The following PCNX2 variants were observed in gnomAD, a reference collection of about 807,000 sequenced individuals.
The protein encoded by PCNX2 is pecanex 2, also known as pecanex-like protein 2.
PCNX2 carries 168 observed loss-of-function variants against 223.8 expected under a neutral mutation model. The observed-to-expected ratio is 0.75, with a 90% CI of 0.66 to 0.85. PCNX2 has a LOEUF of 0.85. Among genes scored for constraint, PCNX2 ranks in the 40% least tolerant of loss-of-function variants. The pLI, the probability that PCNX2 is intolerant of heterozygous loss-of-function variation, is 0.00. For synonymous variants in PCNX2, 1,006 were observed against 1,052.6 expected, an observed-to-expected ratio of 0.96 and a Z score of 0.86; for missense variants, 2,507 against 2,675.5, an observed-to-expected ratio of 0.94 and a Z score of 1.39.
intron 15 of PCNX2, among the ~76,000 whole-genome samples, chr1:233,196,955 G>A (rs919560366): frequency 1.3e-5 from 2 of 152,146 alleles, no homozygotes; most frequent in Admixed American, 1.3e-4. Context: ...TCATGATTGT[G>A]ATGGTGGTAA....
intron 21 of PCNX2, among the ~76,000 whole-genome samples, chr1:233,130,297 C>G (rs958915889): frequency 6.6e-6 from 1 of 152,090 alleles, no homozygotes. Flanking sequence ...GGACACACTC[C>G]TACCCCCTCA....
intron 15 of PCNX2, among the ~76,000 whole-genome samples, chr1:233,197,048 C>T (rs1680777894): frequency 6.6e-6 from 1 of 152,096 alleles, no homozygotes; most frequent in Non-Finnish European, 1.5e-5. Flanking sequence ...CATGCCCTGA[C>T]AGATTTGATT....
At chr1:233,179,210 A>G in intron 15 of PCNX2, 35 bp from the exon 16 acceptor site, 1 of 1,601,488 alleles carries the variant, frequency 6.2e-7, no homozygotes, top group South Asian at 1.1e-5. Context: ...AAGTCACTCC[A>G]CAGCTGTGTG....
intron 17 of PCNX2, among the ~76,000 whole-genome samples, chr1:233,164,293 G>A (rs1392284033): frequency 6.6e-6 from 1 of 152,070 alleles, no homozygotes; most frequent in Non-Finnish European, 1.5e-5. Flanking sequence ...ACAAATGCTG[G>A]TATGGATGTG....
rs769275805 is a variant in PCNX2, at chr1:233,258,987, C to T, written c.875G>A (p.Arg292Gln). 34 of 1,613,786 alleles carry T rather than the reference C, an allele frequency of 2.1e-5. No individual in the cohort carries two copies. The highest frequency in any genetic ancestry group is 1.6e-4 in the Middle Eastern group (1 of 6,082). ...VLIPEPVSCP[R>Q]GSIRERVQSK... ...TTGTACCCGTTCCCTTATGGAGCCC[C>T]GGGGACAACTGACAGGTTCTGGAAT... The change falls in exon 5 of 34, where the codon CGG (arginine) becomes CAG (glutamine). Residue 292 changes from arginine to glutamine, a missense_variant. Coordinates refer to ENST00000258229, the MANE Select transcript of PCNX2 (RefSeq NM_014801.4).
At chr1:233,158,846 G>A (rs1475045053) in intron 19 of PCNX2, among the ~76,000 whole-genome samples, 1 of 152,162 alleles carries the variant, frequency 6.6e-6, no homozygotes, top group Non-Finnish European at 1.5e-5. Flanking sequence ...ATAACCTGAA[G>A]GCTGCAGAAG....
At chr1:233,108,745 A>C (rs1377595751) in intron 21 of PCNX2, among the ~76,000 whole-genome samples, 1 of 152,200 alleles carries the variant, frequency 6.6e-6, no homozygotes, top group Admixed American at 6.5e-5. Context: ...GGATTGTTTA[A>C]AAATGAGAAA....
chr1:233,185,876 G>A (rs916957255), intron 15 of PCNX2, among the ~76,000 whole-genome samples: 2 of 152,116 alleles, frequency 1.3e-5, no homozygotes, highest in African/African-American at 4.8e-5. Context: ...GATGAGTGCT[G>A]GTTTCATAAA....
At chr1:233,191,129 G>A (rs1306650233) in intron 15 of PCNX2, among the ~76,000 whole-genome samples, 2 of 152,174 alleles carry the variant, frequency 1.3e-5, no homozygotes, top group Admixed American at 1.3e-4. Flanking sequence ...AAAAAGTTGT[G>A]TAACAATCCA....
At chr1:233,121,919 C>A (rs1168228288) in intron 21 of PCNX2, among the ~76,000 whole-genome samples, 1 of 152,096 alleles carries the variant, frequency 6.6e-6, no homozygotes. Context: ...TGCAATGACA[C>A]CCCAGTATCA....
intron 19 of PCNX2, among the ~76,000 whole-genome samples, chr1:233,153,889 G>C (rs530385183): frequency 3.0e-4 from 46 of 152,136 alleles, no homozygotes; most frequent in Non-Finnish European, 5.9e-4. Context: ...TAAAAAGCAA[G>C]AGCTCTCAGA....
At chr1:232,993,110 A>T (rs1035502303) in intron 32 of PCNX2, among the ~76,000 whole-genome samples, 1 of 152,216 alleles carries the variant, frequency 6.6e-6, no homozygotes, top group Non-Finnish European at 1.5e-5. Flanking sequence ...GGAACTGGGT[A>T]ATAGGCAGAG....
chr1:233,021,720 T>C (rs1670896754), intron 26 of PCNX2, among the ~76,000 whole-genome samples: 2 of 152,110 alleles, frequency 1.3e-5, no homozygotes, highest in Admixed American at 1.3e-4. Flanking sequence ...TCACTCTCCT[T>C]TCTTAAAAAA....
At chr1:233,290,448 T>C (rs1236319699) in intron 1 of PCNX2, among the ~76,000 whole-genome samples, 2 of 152,196 alleles carry the variant, frequency 1.3e-5, no homozygotes, top group African/African-American at 2.4e-5. Context: ...CAAAGTGCTA[T>C]GTATATAGCT....
intron 7 of PCNX2, 126 bp from the exon 8 acceptor site, chr1:233,250,958 G>A (rs909555029): frequency 1.2e-5 from 12 of 1,004,866 alleles, no homozygotes; most frequent in East Asian, 1.1e-4. Flanking sequence ...GTTGACAATC[G>A]GGGTCCATTC....
chr1:233,075,714 C>T (rs942459063), intron 23 of PCNX2, among the ~76,000 whole-genome samples: 5 of 151,634 alleles, frequency 3.3e-5, no homozygotes, highest in Non-Finnish European at 7.4e-5. Context: ...CACACACACA[C>T]ACACACACAC....
intron 25 of PCNX2, among the ~76,000 whole-genome samples, chr1:233,051,508 T>C (rs537790515): frequency 1.3e-5 from 2 of 152,218 alleles, no homozygotes; most frequent in African/African-American, 4.8e-5. Context: ...TGGAATACTA[T>C]GCAGCCATAA....
chr1:233,135,675 G>T (rs1356189357), intron 20 of PCNX2, among the ~76,000 whole-genome samples: 2 of 152,148 alleles, frequency 1.3e-5, no homozygotes, highest in African/African-American at 4.8e-5. Context: ...AATCCAATTC[G>T]AACAGTGACA....
Position 233,258,770 on chromosome 1 carries a change from G to T in PCNX2, c.1092C>A (p.Pro364=). 1.2e-6 allele frequency: 2 copies of T among 1,613,808 alleles called. No homozygotes were observed. The highest frequency in any genetic ancestry group is 2.2e-5 in the East Asian group (1 of 44,856). Reference sequence around the variant, plus strand: ...GCTCATGTAGACTCAGTGGGTCTCCGGGTTGAGAAGTATCGATGAGAGTAA... The same window carrying T: ...GCTCATGTAGACTCAGTGGGTCTCCTGGTTGAGAAGTATCGATGAGAGTAA... ...VAVTLIDTSQ[P]GDPLSLHEPI... The change falls in exon 5 of 34, where the codon CCC becomes CCA. Residue 364 remains proline, a synonymous_variant. Coordinates refer to ENST00000258229, the MANE Select transcript of PCNX2 (RefSeq NM_014801.4).
Sources: gnomAD v4.1 joint callset for allele counts (sites outside exome capture counted in the v4.1 genomes callset) on GRCh38, gnomAD v4.1.1 for gene constraint, MANE v1.5 for transcripts, NCBI Gene and HGNC (gene_info 2026-07-23, HGNC 2026-07-21) for gene names.